The following TTBK2 variants were observed in gnomAD, a reference collection of about 807,000 sequenced individuals.
TTBK2 encodes tau tubulin kinase 2.
A neutral mutation model predicts 110.8 loss-of-function variants in TTBK2; 28 were observed. The observed-to-expected ratio is 0.25, with a 90% CI of 0.19 to 0.35. The LOEUF is 0.35. Ranked by LOEUF, TTBK2 falls within the 10% of genes least tolerant of loss-of-function variation. The pLI, the probability that TTBK2 is intolerant of heterozygous loss-of-function variation, is 1.00. For missense variants in TTBK2, 1,369 were observed against 1,500.3 expected (o/e 0.91, Z 1.45); for synonymous variants, 532 against 527.3 (o/e 1.01, Z -0.12).
At chr15:42,891,795 G>T (rs1895467069) in intron 1 of TTBK2, among the ~76,000 whole-genome samples, 2 of 152,150 alleles carry the variant, frequency 1.3e-5, no homozygotes, top group Admixed American at 1.3e-4. Context: ...TTGTGGGAAG[G>T]CCCAAACTTA....
intron 4 of TTBK2, among the ~76,000 whole-genome samples, chr15:42,833,309 A>C (rs888804589): frequency 1.3e-5 from 2 of 151,916 alleles, no homozygotes; most frequent in Non-Finnish European, 2.9e-5. Context: ...TGAATAAAAG[A>C]AGCAAGTTCA....
intron 6 of TTBK2, among the ~76,000 whole-genome samples, chr15:42,824,535 TA>T (rs896717274): frequency 6.6e-6 from 1 of 152,080 alleles, no homozygotes; most frequent in African/African-American, 2.4e-5. Context: ...AAGAAAAATA[TA>T]AAAAATGCTT....
At chr15:42,796,576 A>C (rs536371856) in intron 9 of TTBK2, among the ~76,000 whole-genome samples, 2 of 152,350 alleles carry the variant, frequency 1.3e-5, no homozygotes, top group South Asian at 4.1e-4. Context: ...TGAGGCAGGA[A>C]AACCACGAGT....
At chr15:42,746,375 ATACAGGGT>A in intron 14 of TTBK2, 118 bp from the exon 15 acceptor site, 1 of 791,516 alleles carries the variant, frequency 1.3e-6, no homozygotes, top group Non-Finnish European at 2.0e-6. Context: ...GACTAACAGG[ATACAGGGT>A]TACTCTGTCA....
intron 3 of TTBK2, chr15:42,854,998 C>T (rs1415786089): frequency 6.6e-6 from 1 of 152,230 alleles, no homozygotes; most frequent in Admixed American, 6.5e-5. Context: ...TGCCACTAAG[C>T]ATAATATAAA....
chr15:42,866,933 T>G (rs947648189), intron 3 of TTBK2, among the ~76,000 whole-genome samples: 3 of 152,184 alleles, frequency 2.0e-5, no homozygotes, highest in Non-Finnish European at 4.4e-5. Context: ...TTTATAGCAC[T>G]GAGTGCATGT....
At position 42,745,835 on chromosome 15, in the gene TTBK2, G is replaced by T. The variant is rs768071683; in HGVS notation, c.3695C>A (p.Pro1232His). The T allele has an allele frequency of 1.2e-6, 2 of 1,614,024 alleles. No individual in the cohort carries two copies. The highest frequency in any genetic ancestry group is 2.7e-5 in the African/African-American group (2 of 74,896). Residue 1232 changes from proline (P) to histidine (H), a missense_variant, in exon 15 of 15, where the codon CCC (proline) becomes CAC (histidine). By Grantham distance (77) the Pro-to-His change is moderately conservative. This residue lies in a region of TTBK2 where 1,097 missense variants were observed against 1,114.7 expected (regional missense o/e 0.98). Transcript: ENST00000267890. ...ACTGGCTGGCTTACTCTTCCCTTGG[G>T]GGGTTTTAGTGCTGGCTGAGTGGTG... is the stretch of plus-strand genomic sequence containing the variant. ...LHHHSASTKT[P>H]QGKSKPASKL...
intron 11 of TTBK2, 37 bp from the exon 12 acceptor site, chr15:42,777,279 C>A (rs1248435231): frequency 6.3e-7 from 1 of 1,591,176 alleles, no homozygotes; most frequent in South Asian, 1.1e-5. Context: ...GAAAAACATT[C>A]TAGGCAACAC....
At chr15:42,796,155 G>A (rs774735563) in intron 9 of TTBK2, among the ~76,000 whole-genome samples, 3 of 152,162 alleles carry the variant, frequency 2.0e-5, no homozygotes, top group Non-Finnish European at 2.9e-5. Context: ...TGTAATCCCA[G>A]CACTTTGGGA....
chr15:42,815,998 T>C (rs1348294858), intron 7 of TTBK2, among the ~76,000 whole-genome samples: 1 of 109,142 alleles, frequency 9.2e-6, no homozygotes, highest in East Asian at 2.6e-4. Context: ...AGTCTTGCTC[T>C]GTCTCAAATT....
chr15:42,797,820 T>A lies in TTBK2; in HGVS notation c.823-3019A>T, dbSNP rs529995601. On this transcript the variant is annotated intron_variant, in intron 9 of 14. Transcript: ENST00000267890. ...GTGAATACATGTCTGTGTATATATA[T>A]ATATGTGTGTGCCTGTTAAATTTGA... Among the ~76,000 whole-genome samples, 3 of 152,300 alleles carry A rather than the reference T, an allele frequency of 2.0e-5. No individual in the cohort carries two copies. The South Asian group carries it at 6.2e-4, about 32-fold the overall frequency.
chr15:42,761,373 T>C (rs1595884514), intron 13 of TTBK2, among the ~76,000 whole-genome samples: 1 of 152,076 alleles, frequency 6.6e-6, no homozygotes, highest in South Asian at 2.1e-4. Flanking sequence ...AAACAGTCAA[T>C]AGAGTGAAAA....
chr15:42,813,050 G>C (rs1891789906), intron 7 of TTBK2, among the ~76,000 whole-genome samples: 1 of 151,802 alleles, frequency 6.6e-6, no homozygotes, highest in Admixed American at 6.6e-5. Context: ...GGGAAAAAGA[G>C]TATAAAGAGA....
rs147047460 is a variant in TTBK2 at position 42,885,872 on chromosome 15, C to T, written c.-67-7188G>A. Among the ~76,000 whole-genome samples the T allele has an allele frequency of 7.3e-4, 111 of 152,268 alleles. 1 individual carries two copies. Among genetic ancestry groups the T allele is most frequent in the African/African-American group, 1.9e-3 (80 of 41,546 alleles). ...ACTCTCGCCTGACCTAAAATCTAAG[C>T]GTTTTATTTCCTTCTGCAATACCGC... On this transcript the variant is annotated intron_variant, in intron 1 of 14. Coordinates refer to ENST00000267890, the MANE Select transcript of TTBK2 (RefSeq NM_173500.4).
At position 42,744,794 on chromosome 15, in the gene TTBK2, T is replaced by C. The variant is rs1382468927; in HGVS notation, c.*1001A>G. The stretch of plus-strand genomic sequence containing the variant: ...ATAATATATCTAATTTATTTCTAAA[T>C]CTCAAATCACAGTCCAAAGCATTGT... On this transcript the variant is annotated 3_prime_UTR_variant, in exon 15 of 15. Coordinates refer to ENST00000267890, the MANE Select transcript of TTBK2 (RefSeq NM_173500.4). 2 of 152,340 alleles carry C rather than the reference T, an allele frequency of 1.3e-5. No individual in the cohort carries two copies. Among genetic ancestry groups the C allele is most frequent in the African/African-American group, 4.8e-5 (2 of 41,436 alleles). The allele number at this position is 152,340 out of a possible 1,614,324, so 9.4% of individuals were successfully genotyped here. A position where few individuals can be genotyped will look rare whatever the true frequency, so the allele number is the denominator to read the frequency against.
intron 7 of TTBK2, among the ~76,000 whole-genome samples, chr15:42,816,096 A>ATATATC (rs1892009300): frequency 2.6e-5 from 3 of 115,656 alleles, no homozygotes; most frequent in Non-Finnish European, 4.9e-5. Flanking sequence ...ATATATATAT[A>ATATATC]TATATATATA....
At position 42,791,906 on chromosome 15, in the gene TTBK2, C is replaced by T. The variant is rs1235258138; in HGVS notation, c.980+2738G>A. 7.2e-5 allele frequency among the ~76,000 whole-genome samples: 11 copies of T among 152,274 alleles called. No individual in the cohort carries two copies. The East Asian group carries it at 2.1e-3, about 29-fold the overall frequency. On this transcript the variant is annotated intron_variant, in intron 10 of 14. Coordinates refer to ENST00000267890, the MANE Select transcript of TTBK2 (RefSeq NM_173500.4). ...CCTGTGATCTCAGTACTTTGGGAGGCCGAGGCAGGTGGATCACCTGAGGTC... is the reference window on the plus strand; with the variant it reads ...CCTGTGATCTCAGTACTTTGGGAGGTCGAGGCAGGTGGATCACCTGAGGTC...
intron 13 of TTBK2, among the ~76,000 whole-genome samples, chr15:42,771,881 G>A (rs566259725): frequency 3.3e-5 from 5 of 152,250 alleles, no homozygotes; most frequent in African/African-American, 9.6e-5. Flanking sequence ...GCCTACCAGC[G>A]TCTGACTCTT....
rs143717947 is a variant in TTBK2, at chr15:42,892,760, A to G, written c.-67-14076T>C. On this transcript the variant is annotated intron_variant, in intron 1 of 14. Transcript: ENST00000267890. Reference sequence around the variant, plus strand: ...CACGGTGGCTCACGCCTGTAATTTCAGCACTTTGGGAAGCTGAGGCAGGCG... The same window carrying G: ...CACGGTGGCTCACGCCTGTAATTTCGGCACTTTGGGAAGCTGAGGCAGGCG... Among the ~76,000 whole-genome samples, 490 of 150,244 alleles carry G rather than the reference A, an allele frequency of 3.3e-3. 2 individuals carry two copies. The highest frequency in any genetic ancestry group is 0.011 in the African/African-American group (468 of 40,786).
Sources: allele counts gnomAD v4.1 joint callset (sites outside exome capture counted in the v4.1 genomes callset), GRCh38; gene constraint gnomAD v4.1.1; regional missense constraint gnomAD v4.1.1; transcripts MANE v1.5; gene names NCBI Gene and HGNC (gene_info 2026-07-23, HGNC 2026-07-21).